DNAH10: variants seen among roughly 807,000 people sequenced by gnomAD.
DNAH10 encodes dynein axonemal heavy chain 10.
Under a neutral mutation model 506.6 loss-of-function variants are expected in DNAH10, and 348 were observed. The observed-to-expected ratio is 0.69, with a 90% CI of 0.63 to 0.75. The LOEUF is 0.75. Among genes scored for constraint, DNAH10 ranks in the 30% least tolerant of loss-of-function variants. The pLI is 0.00. For synonymous variants in DNAH10, 2,059 were observed against 2,198.6 expected, an observed-to-expected ratio of 0.94 and a Z score of 1.78; for missense variants, 5,179 against 5,787.1, an observed-to-expected ratio of 0.89 and a Z score of 3.41.
intron 51 of DNAH10, among the ~76,000 whole-genome samples, chr12:123,882,902 C>T (rs1952572235): frequency 6.6e-6 from 1 of 152,126 alleles, no homozygotes; most frequent in South Asian, 2.1e-4. Context: ...CCTCATCAAG[C>T]CCTGAGCAAC....
Position 123,785,730 on chromosome 12 carries a change from C to G in DNAH10, c.1231-16C>G. 6.4e-7 allele frequency: 1 copy of G among 1,566,376 alleles called. No homozygotes were observed. On this transcript the variant is annotated splice_polypyrimidine_tract_variant and intron_variant, in intron 8 of 78. Coordinates refer to ENST00000673944, the MANE Select transcript of DNAH10 (RefSeq NM_001372106.1). The surrounding 1 kb of genome is among the most constrained non-coding windows in gnomAD (Gnocchi z 4.1). ...AGGCTAAGGGCTCTTGCGTGGCTCT[C>G]TCCTCTCTTGGTCAGAACATAACGC...
In DNAH10 at chr12:123,845,999, GA is replaced by G. The variant is rs1193905592; in HGVS notation, c.5662del (p.Ser1888ValfsTer14). ...CCTGGAGGCCCGAGAGTTTGACTGGGAAAGTCAGTTGCGGTTTTATTGGGAC... is the reference window on the plus strand; with the variant it reads ...CCTGGAGGCCCGAGAGTTTGACTGGGAAGTCAGTTGCGGTTTTATTGGGAC... ...SILEAREFDW[E>X]SQLRFYWDRE... On this transcript the variant is annotated frameshift_variant, in exon 32 of 79. Coordinates refer to ENST00000673944, the MANE Select transcript of DNAH10 (RefSeq NM_001372106.1). LOFTEE classifies it high-confidence loss of function. The G allele has an allele frequency of 2.5e-6, 4 of 1,614,008 alleles. No individual in the cohort carries two copies. The highest frequency in any genetic ancestry group is 3.4e-6 in the Non-Finnish European group (4 of 1,179,900).
intron 16 of DNAH10, among the ~76,000 whole-genome samples, chr12:123,802,016 T>G (rs1303596355): frequency 2.0e-5 from 3 of 152,224 alleles, no homozygotes; most frequent in Non-Finnish European, 2.9e-5. Flanking sequence ...CTTTTTTGAT[T>G]TGGCTCTTCT....
At chr12:123,883,431 C>T (rs1952596580) in intron 51 of DNAH10, among the ~76,000 whole-genome samples, 1 of 152,180 alleles carries the variant, frequency 6.6e-6, no homozygotes, top group Non-Finnish European at 1.5e-5. Flanking sequence ...GTGGAGCAGA[C>T]ACTATGCATT....
intron 67 of DNAH10, 116 bp from the exon 68 acceptor site, chr12:123,924,934 T>G: frequency 7.2e-7 from 1 of 1,388,808 alleles, no homozygotes; most frequent in Non-Finnish European, 9.7e-7. Context: ...TGGCCTTCAG[T>G]TAGTACACCT....
Position 123,903,272 on chromosome 12 carries a change from C to T in DNAH10, c.9815+159C>T, listed in dbSNP as rs955029556. On this transcript the variant is annotated intron_variant, in intron 57 of 78. Coordinates refer to ENST00000673944, the MANE Select transcript of DNAH10 (RefSeq NM_001372106.1). This position sits in a 1 kb window ranked among gnomAD's most constrained non-coding sequence, Gnocchi z 4.6. ...TGGAGACTGTTGTTGCCCTCATTTTCGGATGGGGAAAATGAGGCCCAGGGA... is the reference window on the plus strand; with the variant it reads ...TGGAGACTGTTGTTGCCCTCATTTTTGGATGGGGAAAATGAGGCCCAGGGA... Among the ~76,000 whole-genome samples the T allele has an allele frequency of 3.3e-5, 5 of 152,240 alleles. No homozygotes were observed. Among genetic ancestry groups the T allele is most frequent in the East Asian group, 1.9e-4 (1 of 5,174 alleles).
At chr12:123,924,526 C>G (rs1443635047) in intron 67 of DNAH10, 94 bp downstream of exon 67, 1 of 1,468,970 alleles carries the variant, frequency 6.8e-7, no homozygotes, top group Non-Finnish European at 9.2e-7. Flanking sequence ...AGAAGACACT[C>G]CTTTGAGTAA....
chr12:123,767,203 T>G (rs1472626315), intron 1 of DNAH10, among the ~76,000 whole-genome samples: 4 of 152,212 alleles, frequency 2.6e-5, no homozygotes, highest in Non-Finnish European at 5.9e-5. Context: ...CCACTGCGCC[T>G]GGCCTCCTTC....
intron 45 of DNAH10, among the ~76,000 whole-genome samples, chr12:123,873,175 C>T (rs1952104427): frequency 6.6e-6 from 1 of 152,210 alleles, no homozygotes; most frequent in Non-Finnish European, 1.5e-5. Context: ...TGCAATAGCT[C>T]TATGAAGTAG....
chr12:123,913,408 G>A lies in DNAH10; in HGVS notation c.10352+93G>A, dbSNP rs1449757870. 2.3e-6 allele frequency: 3 copies of A among 1,333,236 alleles called. No homozygotes were observed. Among genetic ancestry groups the A allele is most frequent in the African/African-American group, 3.0e-5 (2 of 67,558 alleles). The allele number at this position is 1,333,236 out of a possible 1,614,324, so 82.6% of individuals were successfully genotyped here. ...ATGTTGATTCTTTATCTCACGTTGT[G>A]TTTTTATGTGAAAACCATGTGACCA... On this transcript the variant is annotated intron_variant, in intron 60 of 78. Transcript: ENST00000673944. The surrounding 1 kb of genome is among the most constrained non-coding windows in gnomAD (Gnocchi z 5.1).
Position 123,909,653 on chromosome 12 carries a change from G to A in DNAH10, c.9997+211G>A, listed in dbSNP as rs1006174658. Among the ~76,000 whole-genome samples the A allele has an allele frequency of 2.6e-5, 4 of 152,210 alleles. No individual in the cohort carries two copies. Among genetic ancestry groups the A allele is most frequent in the South Asian group, 4.1e-4 (2 of 4,828 alleles). On this transcript the variant is annotated intron_variant, in intron 58 of 78. Coordinates refer to ENST00000673944, the MANE Select transcript of DNAH10 (RefSeq NM_001372106.1). This position sits in a 1 kb window ranked among gnomAD's most constrained non-coding sequence, Gnocchi z 5.4. ...GGGAGAGTGGCTGGGGATGCGCGGC[G>A]GCAGCCGTGCCCACTGAGGGTTCGA...
In DNAH10 at chr12:123,913,604, T is replaced by C. The variant is rs759265668; in HGVS notation, c.10352+289T>C. Among the ~76,000 whole-genome samples, 1 of 152,176 alleles carries C rather than the reference T, an allele frequency of 6.6e-6. No homozygotes were observed. The highest frequency in any genetic ancestry group is 1.5e-5 in the Non-Finnish European group (1 of 68,040). On this transcript the variant is annotated intron_variant, in intron 60 of 78. Coordinates refer to ENST00000673944, the MANE Select transcript of DNAH10 (RefSeq NM_001372106.1). The surrounding 1 kb of genome is among the most constrained non-coding windows in gnomAD (Gnocchi z 5.1). ...AGCAGGGTGCTCTAGGTTTGGGAAG[T>C]GTTCACTTCTTGGTGACCTCTAACC...
chr12:123,888,013 G>T (rs1952815927), intron 52 of DNAH10, among the ~76,000 whole-genome samples: 1 of 152,122 alleles, frequency 6.6e-6, no homozygotes, highest in Admixed American at 6.5e-5. Context: ...CAAAGTGCTG[G>T]GATTACAGGC....
chr12:123,861,008 T>A lies in DNAH10; in HGVS notation c.6750-4T>A. Reference sequence around the variant, plus strand: ...AACCATGGCTAAAGCCTCTCTTGATTTAGGCTTGGGCTGACGACAAAGTTG... The same window carrying A: ...AACCATGGCTAAAGCCTCTCTTGATATAGGCTTGGGCTGACGACAAAGTTG... On this transcript the variant is annotated splice_region_variant and splice_polypyrimidine_tract_variant and intron_variant, in intron 38 of 78. Coordinates refer to ENST00000673944, the MANE Select transcript of DNAH10 (RefSeq NM_001372106.1). 1 of 1,613,964 alleles carries A rather than the reference T, an allele frequency of 6.2e-7. No individual in the cohort carries two copies. The highest frequency in any genetic ancestry group is 8.5e-7 in the Non-Finnish European group (1 of 1,179,896).
chr12:123,931,020 A>C (rs1389624257), intron 73 of DNAH10, among the ~76,000 whole-genome samples: 1 of 152,152 alleles, frequency 6.6e-6, no homozygotes, highest in Non-Finnish European at 1.5e-5. Context: ...CCATCTCTAC[A>C]AAAAATAAAC....
intron 2 of DNAH10, among the ~76,000 whole-genome samples, chr12:123,769,388 G>T (rs906561369): frequency 2.2e-4 from 33 of 152,016 alleles, no homozygotes; most frequent in African/African-American, 8.0e-4. Flanking sequence ...TGTTGGCCAG[G>T]CTGGTCTCAA....
intron 25 of DNAH10, among the ~76,000 whole-genome samples, chr12:123,828,432 G>T (rs1960208452): frequency 6.6e-6 from 1 of 152,166 alleles, no homozygotes; most frequent in African/African-American, 2.4e-5. Context: ...AAGGATTTAG[G>T]GTGGGAGAGC....
rs554086169 is a variant in DNAH10 at position 123,903,032 on chromosome 12, C to A, written c.9734C>A (p.Thr3245Asn). ...ATGGAGAAGGCCGAGGCCGAGACGA[C>A]CCTGGCAGAGGTCATGCCCATCCTG... Reference protein sequence around the residue: ...IAMEKAEAETTLAEVMPILEA... With the variant: ...IAMEKAEAETNLAEVMPILEA... The change falls in exon 57 of 79, where the codon ACC (threonine) becomes AAC (asparagine). Residue 3245 changes from threonine to asparagine, a missense_variant. Around this residue, in one of 3 missense-constraint regions of DNAH10, gnomAD observed 4,844 missense variants for 5,430.5 expected, o/e 0.89. Transcript: ENST00000673944. This position sits in a 1 kb window ranked among gnomAD's most constrained non-coding sequence, Gnocchi z 4.6. The A allele has an allele frequency of 1.9e-6, 3 of 1,608,646 alleles. No individual in the cohort carries two copies. The highest frequency in any genetic ancestry group is 2.2e-5 in the East Asian group (1 of 44,644).
Position 123,787,676 on chromosome 12 carries a change from A to T in DNAH10, c.1422-128A>T, listed in dbSNP as rs1262318226. ...CCGCTTGCCCGCTCTGCCTTTTCCG[A>T]TGAGGCCGTGAAACCAGGGGGGGCG... On this transcript the variant is annotated intron_variant, in intron 9 of 78. Coordinates refer to ENST00000673944, the MANE Select transcript of DNAH10 (RefSeq NM_001372106.1). This position sits in a 1 kb window ranked among gnomAD's most constrained non-coding sequence, Gnocchi z 4.6. The T allele has an allele frequency of 1.1e-5, 12 of 1,107,298 alleles. No homozygotes were observed. The highest frequency in any genetic ancestry group is 1.6e-5 in the Non-Finnish European group (12 of 768,584). 68.6% of individuals were successfully genotyped at this position (1,107,298 alleles called of 1,614,324 possible).
Sources: allele counts gnomAD v4.1 joint callset (sites outside exome capture counted in the v4.1 genomes callset), GRCh38; gene constraint gnomAD v4.1.1; regional missense constraint gnomAD v4.1.1; non-coding constraint Gnocchi (gnomAD v3.1); transcripts MANE v1.5; gene names NCBI Gene and HGNC (gene_info 2026-07-23, HGNC 2026-07-21).